NDST3: variants seen among roughly 807,000 people sequenced by gnomAD.
The protein encoded by NDST3 is N-deacetylase and N-sulfotransferase 3.
Under a neutral mutation model 96.1 loss-of-function variants are expected in NDST3, and 58 were observed. The ratio of observed to expected loss-of-function variants is 0.60; its 90% CI spans 0.49 to 0.75. The LOEUF (loss-of-function observed/expected upper bound fraction) is 0.75. Among genes scored for constraint, NDST3 ranks in the 30% least tolerant of loss-of-function variants. The pLI, the probability that NDST3 is intolerant of heterozygous loss-of-function variation, is 0.00. For synonymous variants in NDST3, 333 were observed against 359.7 expected (o/e 0.93, Z 0.84); for missense variants, 788 against 1,034.2 (o/e 0.76, Z 3.27).
chr4:118,251,488 G>C (rs1015947029), intron 12 of NDST3, among the ~76,000 whole-genome samples: 1 of 152,114 alleles, frequency 6.6e-6, no homozygotes, highest in South Asian at 2.1e-4. Context: ...CATGAGGTAA[G>C]GGTCAATGTT....
At chr4:118,242,304 C>T (rs111689576) in intron 12 of NDST3, among the ~76,000 whole-genome samples, 155 bp downstream of exon 12, 5,925 of 151,744 alleles carry the variant, frequency 0.039, 174 homozygotes, top group African/African-American at 0.085. Flanking sequence ...AACATTTCAA[C>T]AGTGTGACAC....
chr4:118,185,764 C>A (rs1270290673), intron 6 of NDST3, among the ~76,000 whole-genome samples: 1 of 152,082 alleles, frequency 6.6e-6, no homozygotes, highest in African/African-American at 2.4e-5. Context: ...AGTTGGCTAC[C>A]TTTCATTGGC....
At chr4:118,230,999 T>C (rs1044124845) in intron 8 of NDST3, among the ~76,000 whole-genome samples, 4 of 152,238 alleles carry the variant, frequency 2.6e-5, no homozygotes, top group Admixed American at 1.3e-4. Flanking sequence ...ATTTGTACCA[T>C]TTAAGTAAAT....
At chr4:118,132,602 T>A (rs1404757401) in intron 4 of NDST3, among the ~76,000 whole-genome samples, 2 of 152,016 alleles carry the variant, frequency 1.3e-5, no homozygotes, top group African/African-American at 4.8e-5. Flanking sequence ...AAAGTCCCCT[T>A]TACTTTTCCC....
intron 6 of NDST3, among the ~76,000 whole-genome samples, chr4:118,182,320 A>C (rs1736662171): frequency 6.6e-6 from 1 of 152,222 alleles, no homozygotes; most frequent in Non-Finnish European, 1.5e-5. Flanking sequence ...CAAGACCAAA[A>C]GGCACAATTC....
chr4:118,124,522 G>T (rs1486141830), intron 4 of NDST3, among the ~76,000 whole-genome samples: 1 of 152,008 alleles, frequency 6.6e-6, no homozygotes, highest in Non-Finnish European at 1.5e-5. Context: ...ACCTGCTAGG[G>T]TCCTGGGACC....
rs190347102 is a variant in NDST3, at chr4:118,080,567, G to A, written c.982-24451G>A. 9.9e-4 allele frequency among the ~76,000 whole-genome samples: 150 copies of A among 152,030 alleles called. 2 individuals carry two copies. Among genetic ancestry groups the A allele is most frequent in the Middle Eastern group, 6.8e-3 (2 of 294 alleles). On this transcript the variant is annotated intron_variant, in intron 2 of 13. Transcript: ENST00000296499. ...ACATCCTATTCCTAAATTAATTCAC[G>A]AAAGTCTCATTTGAAGTTCTGGATC...
intron 2 of NDST3, among the ~76,000 whole-genome samples, chr4:118,084,228 C>CA (rs369630539): frequency 0.017 from 2,420 of 145,676 alleles, 57 homozygotes; most frequent in African/African-American, 0.052. Flanking sequence ...GCTATAAAAA[C>CA]AAAAAAAAAA....
intron 3 of NDST3, among the ~76,000 whole-genome samples, chr4:118,113,032 CAAG>C (rs769024398): frequency 6.6e-6 from 1 of 151,996 alleles, no homozygotes. Context: ...CAAGGAAACA[CAAG>C]AAGAACAGAA....
chr4:118,171,968 T>C (rs1735983081), intron 6 of NDST3, among the ~76,000 whole-genome samples: 1 of 152,214 alleles, frequency 6.6e-6, no homozygotes, highest in African/African-American at 2.4e-5. Context: ...CTGATTCTAC[T>C]CTGTGCTTCC....
At chr4:118,131,244 T>G (rs1388606271) in intron 4 of NDST3, among the ~76,000 whole-genome samples, 1 of 123,758 alleles carries the variant, frequency 8.1e-6, no homozygotes, top group Non-Finnish European at 1.8e-5. Flanking sequence ...CTTATAGGTG[T>G]GCTATGTTGT....
Position 118,256,491 on chromosome 4 carries a change from T to C in NDST3, c.*779T>C, listed in dbSNP as rs1164090993. 1 of 152,228 alleles carries C rather than the reference T, an allele frequency of 6.6e-6. No homozygotes were observed. Among genetic ancestry groups the C allele is most frequent in the East Asian group, 1.9e-4 (1 of 5,202 alleles). The allele number at this position is 152,228 out of a possible 1,614,324, so 9.4% of individuals were successfully genotyped here. On this transcript the variant is annotated 3_prime_UTR_variant, in exon 14 of 14. Transcript: ENST00000296499. ...CAGTAAATAACAATGTAAAGTGTACTGACTGAATCCTCTAAAAGGGAGAAA... is the reference window on the plus strand; with the variant it reads ...CAGTAAATAACAATGTAAAGTGTACCGACTGAATCCTCTAAAAGGGAGAAA...
chr4:118,056,222 G>A (rs1725419753), intron 2 of NDST3, among the ~76,000 whole-genome samples: 1 of 151,752 alleles, frequency 6.6e-6, no homozygotes, highest in South Asian at 2.1e-4. Context: ...GAAATTGTTT[G>A]AAACTGTCAA....
chr4:118,255,005 AC>A (rs1389477111), intron 13 of NDST3, among the ~76,000 whole-genome samples: 2 of 151,938 alleles, frequency 1.3e-5, no homozygotes, highest in Non-Finnish European at 2.9e-5. Flanking sequence ...AAAGAAATTG[AC>A]ATACAATTTC....
chr4:118,238,187 GAAA>G (rs1158723024), intron 10 of NDST3, among the ~76,000 whole-genome samples: 1 of 140,406 alleles, frequency 7.1e-6, no homozygotes, highest in Non-Finnish European at 1.6e-5. Flanking sequence ...AAGAAAGAAA[GAAA>G]GAAAGAAAGA....
At chr4:118,074,252 G>T (rs1206332485) in intron 2 of NDST3, among the ~76,000 whole-genome samples, 1 of 152,086 alleles carries the variant, frequency 6.6e-6, no homozygotes, top group African/African-American at 2.4e-5. Context: ...ATGTTCTGTT[G>T]GTTTTGGGTG....
chr4:118,226,812 C>A (rs1739908953), intron 7 of NDST3, 74 bp from the exon 8 acceptor site: 4 of 1,026,724 alleles, frequency 3.9e-6, no homozygotes, highest in Middle Eastern at 2.1e-4. Context: ...TTAAAGAACA[C>A]AAGTTGGAAA....
intron 6 of NDST3, among the ~76,000 whole-genome samples, chr4:118,189,161 C>T (rs1737147696): frequency 6.6e-6 from 1 of 152,076 alleles, no homozygotes; most frequent in Non-Finnish European, 1.5e-5. Flanking sequence ...GTGACCCTCC[C>T]ACCCCAGCTT....
intron 2 of NDST3, among the ~76,000 whole-genome samples, chr4:118,087,449 C>T (rs1260063822): frequency 2.0e-5 from 3 of 152,120 alleles, no homozygotes; most frequent in African/African-American, 2.4e-5. Context: ...AGCACTTCCA[C>T]CTATACATTC....
Sources: allele counts gnomAD v4.1 joint callset (sites outside exome capture counted in the v4.1 genomes callset), GRCh38; gene constraint gnomAD v4.1.1; transcripts MANE v1.5; gene names NCBI Gene and HGNC (gene_info 2026-07-23, HGNC 2026-07-21).